The following AUTS2 variants were observed in gnomAD, a reference collection of about 807,000 sequenced individuals.
The protein encoded by AUTS2 is activator of transcription and developmental regulator AUTS2.
In AUTS2, 17 loss-of-function variants were observed where a neutral mutation model predicts 112.4. The observed-to-expected ratio is 0.15, with a 90% confidence interval of 0.10 to 0.23. The LOEUF (loss-of-function observed/expected upper bound fraction) is 0.23. Among genes scored for constraint, AUTS2 ranks in the 10% least tolerant of loss-of-function variants. AUTS2 has a pLI of 1.00. For synonymous variants in AUTS2, 751 were observed against 702.7 expected (o/e 1.07, Z -1.09); for missense variants, 1,510 against 1,701.6 (o/e 0.89, Z 1.98).
chr7:70,459,454 C>T (rs895203702), intron 5 of AUTS2, among the ~76,000 whole-genome samples: 1 of 152,204 alleles, frequency 6.6e-6, no homozygotes, highest in Admixed American at 6.5e-5. Context: ...TCATACACTT[C>T]AAGGCCAGCT....
At chr7:69,762,524 G>A (rs1013570714) in intron 1 of AUTS2, among the ~76,000 whole-genome samples, 6 of 151,820 alleles carry the variant, frequency 4.0e-5, no homozygotes, top group Admixed American at 6.6e-5. Context: ...GCCCAAGCTG[G>A]TCTCAAACTT....
In AUTS2 at chr7:70,698,799, A is replaced by T. The variant is rs903572484; in HGVS notation, c.742+179A>T. The T allele has an allele frequency of 6.1e-6, 3 of 488,358 alleles. No individual in the cohort carries two copies. In the East Asian group the frequency reaches 9.6e-5, roughly 16 times the overall value. 30.3% of individuals were successfully genotyped at this position (488,358 alleles called of 1,614,324 possible). ...TACTTTGTGATGCATTAACATTAAC[A>T]ACCAGTTTATTTTAAAAGAATACAT... On this transcript the variant is annotated intron_variant, in intron 6 of 18. Coordinates refer to ENST00000342771, the MANE Select transcript of AUTS2 (RefSeq NM_015570.4).
intron 1 of AUTS2, among the ~76,000 whole-genome samples, chr7:69,801,423 C>A (rs1790075668): frequency 6.7e-6 from 1 of 149,576 alleles, no homozygotes; most frequent in Non-Finnish European, 1.5e-5. Flanking sequence ...TATTGATATA[C>A]CATATATACA....
intron 6 of AUTS2, among the ~76,000 whole-genome samples, chr7:70,710,192 T>A (rs1425618854): frequency 6.6e-6 from 1 of 150,788 alleles, no homozygotes; most frequent in Non-Finnish European, 1.5e-5. Flanking sequence ...ATGACTGTCA[T>A]TTGGACCACT....
intron 6 of AUTS2, among the ~76,000 whole-genome samples, chr7:70,723,244 G>A (rs1786804010): frequency 1.3e-5 from 2 of 152,038 alleles, no homozygotes; most frequent in Non-Finnish European, 2.9e-5. Context: ...AACTTTTTCG[G>A]TTTTGTTTGT....
intron 1 of AUTS2, among the ~76,000 whole-genome samples, chr7:69,868,889 T>G (rs990626232): frequency 3.9e-5 from 6 of 152,210 alleles, no homozygotes; most frequent in African/African-American, 1.4e-4. Context: ...AGTGTTCCCC[T>G]CTGCTAGCTT....
At chr7:69,601,320 A>G (rs2129069272) in intron 1 of AUTS2, among the ~76,000 whole-genome samples, 1 of 151,562 alleles carries the variant, frequency 6.6e-6, no homozygotes, top group South Asian at 2.1e-4. Flanking sequence ...TTATTATGGT[A>G]TTGTTTCACA....
chr7:70,454,100 A>G (rs1796637031), intron 5 of AUTS2, among the ~76,000 whole-genome samples: 1 of 152,190 alleles, frequency 6.6e-6, no homozygotes. Flanking sequence ...GGCGGAGGAC[A>G]TAGTTTGTGG....
At chr7:70,749,450 G>A (rs1015514979) in intron 6 of AUTS2, among the ~76,000 whole-genome samples, 1 of 152,200 alleles carries the variant, frequency 6.6e-6, no homozygotes, top group African/African-American at 2.4e-5. Flanking sequence ...TAGTGAGGCT[G>A]TAGCATACAT....
intron 5 of AUTS2, among the ~76,000 whole-genome samples, chr7:70,619,068 A>C (rs772421474): frequency 1.3e-5 from 2 of 152,112 alleles, no homozygotes; most frequent in Non-Finnish European, 2.9e-5. Flanking sequence ...TGAATTTTTT[A>C]TAAAGGCCAG....
In AUTS2 at chr7:70,409,343, ATG is replaced by A. The variant is rs200949302; in HGVS notation, c.661-26397_661-26396del. Among the ~76,000 whole-genome samples, 1,084 of 149,838 alleles carry A rather than the reference ATG, an allele frequency of 7.2e-3. 14 individuals carry two copies. Among genetic ancestry groups the A allele is most frequent in the African/African-American group, 0.025 (1,031 of 41,054 alleles). Reference sequence around the variant, plus strand: ...TTGGTGTATTAGTATATATATATATATGTGTGTGTGTGTATTTATGTATGTAT... The same window carrying A: ...TTGGTGTATTAGTATATATATATATATGTGTGTGTGTATTTATGTATGTAT... On this transcript the variant is annotated intron_variant, in intron 4 of 18. Coordinates refer to ENST00000342771, the MANE Select transcript of AUTS2 (RefSeq NM_015570.4).
At chr7:69,709,142 G>A (rs1354342105) in intron 1 of AUTS2, among the ~76,000 whole-genome samples, 3 of 152,206 alleles carry the variant, frequency 2.0e-5, no homozygotes, top group African/African-American at 7.2e-5. Flanking sequence ...CTGGCTAGAG[G>A]CCAGGTTTAG....
At chr7:70,226,557 G>A (rs1811778021) in intron 4 of AUTS2, among the ~76,000 whole-genome samples, 1 of 151,814 alleles carries the variant, frequency 6.6e-6, no homozygotes, top group Non-Finnish European at 1.5e-5. Flanking sequence ...GCTTTTTGCT[G>A]TATTCAGGCC....
intron 1 of AUTS2, among the ~76,000 whole-genome samples, chr7:69,839,886 G>C (rs1377303312): frequency 1.3e-5 from 2 of 152,084 alleles, no homozygotes; most frequent in Admixed American, 6.6e-5. Flanking sequence ...GTGGAGGAGA[G>C]GGGGGATGGG....
chr7:70,390,807 C>A (rs1469762666), intron 4 of AUTS2, among the ~76,000 whole-genome samples: 2 of 152,154 alleles, frequency 1.3e-5, no homozygotes, highest in African/African-American at 4.8e-5. Flanking sequence ...ATGATATAGC[C>A]AGGCCGTGTT....
intron 5 of AUTS2, among the ~76,000 whole-genome samples, chr7:70,461,337 T>C (rs935271603): frequency 1.3e-5 from 2 of 152,034 alleles, no homozygotes; most frequent in African/African-American, 4.8e-5. Flanking sequence ...TGTTTGAACT[T>C]ACCCTCCCAT....
chr7:70,438,391 G>A (rs144193182), intron 5 of AUTS2, among the ~76,000 whole-genome samples: 61 of 152,186 alleles, frequency 4.0e-4, no homozygotes, highest in Middle Eastern at 6.8e-3. Flanking sequence ...GATTCATGGC[G>A]CACCTCCTGC....
chr7:69,647,375 T>C (rs1023981388), intron 1 of AUTS2, among the ~76,000 whole-genome samples: 15 of 150,014 alleles, frequency 1.0e-4, no homozygotes, highest in African/African-American at 3.7e-4. Context: ...TTTTTTTTAA[T>C]GGTCTTGCTC....
At chr7:69,975,726 C>G (rs186300485) in intron 2 of AUTS2, among the ~76,000 whole-genome samples, 54 of 151,606 alleles carry the variant, frequency 3.6e-4, no homozygotes, top group Admixed American at 1.4e-3. Flanking sequence ...TCTGCTCGGT[C>G]CCCCAGGCTG....
Sources: allele counts gnomAD v4.1 joint callset (sites outside exome capture counted in the v4.1 genomes callset), GRCh38; gene constraint gnomAD v4.1.1; transcripts MANE v1.5; gene names NCBI Gene and HGNC (gene_info 2026-07-23, HGNC 2026-07-21).